The following PCDH9 variants were observed in gnomAD, a reference collection of about 807,000 sequenced individuals.
The protein encoded by PCDH9 is protocadherin 9, also known as protocadherin-9.
In PCDH9, 24 loss-of-function variants were observed where a neutral mutation model predicts 70.6. The ratio of observed to expected loss-of-function variants is 0.34; its 90% CI spans 0.25 to 0.48. The LOEUF is 0.48. Among genes scored for constraint, PCDH9 ranks in the 20% least tolerant of loss-of-function variants. The pLI, the probability that PCDH9 is intolerant of heterozygous loss-of-function variation, is 0.99. For synonymous variants in PCDH9, 562 were observed against 558.5 expected (o/e 1.01, Z -0.09); for missense variants, 1,281 against 1,503.6 (o/e 0.85, Z 2.45).
chr13:67,094,039 T>TA (rs948034287), intron 2 of PCDH9, among the ~76,000 whole-genome samples: 3 of 152,104 alleles, frequency 2.0e-5, no homozygotes, highest in African/African-American at 4.8e-5. Context: ...GCTGATTTAA[T>TA]AAAAAAAATC....
At chr13:66,528,598 A>G (rs190105701) in intron 4 of PCDH9, among the ~76,000 whole-genome samples, 1 of 152,262 alleles carries the variant, frequency 6.6e-6, no homozygotes, top group African/African-American at 2.4e-5. Context: ...ACTGTGTGGA[A>G]TATCATTTAT....
intron 3 of PCDH9, among the ~76,000 whole-genome samples, chr13:66,822,920 C>T (rs953506980): frequency 2.0e-5 from 3 of 151,966 alleles, no homozygotes; most frequent in African/African-American, 7.3e-5. Flanking sequence ...TATGCGGTAT[C>T]ACATATATAC....
chr13:67,112,221 C>T (rs1785261231), intron 2 of PCDH9, among the ~76,000 whole-genome samples: 2 of 152,148 alleles, frequency 1.3e-5, no homozygotes, highest in African/African-American at 2.4e-5. Context: ...TCCTTTATCT[C>T]TATTATTAAA....
intron 3 of PCDH9, among the ~76,000 whole-genome samples, chr13:66,781,001 G>A (rs2079989758): frequency 6.6e-6 from 1 of 152,076 alleles, no homozygotes; most frequent in Non-Finnish European, 1.5e-5. Context: ...CGGGTGGGGT[G>A]CATTTCAAGA....
chr13:67,145,011 C>T (rs1401585419), intron 2 of PCDH9, among the ~76,000 whole-genome samples: 8 of 152,070 alleles, frequency 5.3e-5, no homozygotes, highest in African/African-American at 1.7e-4. Flanking sequence ...CTGTGGACTG[C>T]GTGGGAAGGT....
chr13:66,807,072 A>G (rs760015821), intron 3 of PCDH9, among the ~76,000 whole-genome samples: 34 of 152,222 alleles, frequency 2.2e-4, no homozygotes, highest in Non-Finnish European at 2.1e-4. Flanking sequence ...CTCAAGTTTC[A>G]TTCATAATTG....
intron 2 of PCDH9, among the ~76,000 whole-genome samples, chr13:67,073,090 C>G (rs776663145): frequency 9.2e-5 from 14 of 151,970 alleles, no homozygotes; most frequent in Admixed American, 6.6e-5. Context: ...CTTTATACAC[C>G]CAATAATCAC....
At chr13:66,909,225 T>C (rs1390170772) in intron 2 of PCDH9, among the ~76,000 whole-genome samples, 2 of 151,968 alleles carry the variant, frequency 1.3e-5, no homozygotes, top group Admixed American at 6.6e-5. Flanking sequence ...AAAAGACTTA[T>C]GAATATATTT....
chr13:67,205,641 A>T (rs563773477), intron 2 of PCDH9: 1 of 152,302 alleles, frequency 6.6e-6, no homozygotes, highest in African/African-American at 2.4e-5. Context: ...TCCATCATCC[A>T]TATGCACTAC....
intron 3 of PCDH9, among the ~76,000 whole-genome samples, chr13:66,751,601 C>G (rs2079460577): frequency 6.6e-6 from 1 of 152,116 alleles, no homozygotes; most frequent in African/African-American, 2.4e-5. Context: ...TGAAAGCAAG[C>G]AACTGAAATG....
At chr13:66,828,810 A>AAATAATAATAATAAT (rs61269805) in intron 3 of PCDH9, among the ~76,000 whole-genome samples, 56 of 148,668 alleles carry the variant, frequency 3.8e-4, no homozygotes, top group Middle Eastern at 3.5e-3. Context: ...GCCATACATA[A>AAATAATAATAATAAT]AATAATAATA....
chr13:66,589,124 A>G (rs1383949199), intron 4 of PCDH9, among the ~76,000 whole-genome samples: 1 of 152,104 alleles, frequency 6.6e-6, no homozygotes, highest in East Asian at 1.9e-4. Context: ...CTTTAAACCC[A>G]ACTAATTGAA....
At chr13:66,838,828 GC>G (rs1356870780) in intron 3 of PCDH9, among the ~76,000 whole-genome samples, 2 of 151,758 alleles carry the variant, frequency 1.3e-5, no homozygotes, top group East Asian at 3.9e-4. Context: ...AATGTATGAT[GC>G]ACTAATCTCT....
At chr13:67,159,004 T>A (rs919522466) in intron 2 of PCDH9, among the ~76,000 whole-genome samples, 3 of 152,136 alleles carry the variant, frequency 2.0e-5, no homozygotes, top group Admixed American at 2.0e-4. Context: ...CACAGACAAT[T>A]AGCCAGACAC....
At chr13:66,372,805 A>G (rs1373113132) in intron 4 of PCDH9, among the ~76,000 whole-genome samples, 1 of 151,906 alleles carries the variant, frequency 6.6e-6, no homozygotes, top group Non-Finnish European at 1.5e-5. Context: ...ATTGGACATT[A>G]GGAGTAAGCC....
intron 2 of PCDH9, among the ~76,000 whole-genome samples, chr13:67,068,094 A>G (rs898110052): frequency 6.6e-6 from 1 of 152,150 alleles, no homozygotes; most frequent in African/African-American, 2.4e-5. Flanking sequence ...AGTCGATGCT[A>G]AATGCTTTCT....
In PCDH9 at chr13:66,360,218, C is replaced by G. The variant is rs1956446899; in HGVS notation, c.3341-55190G>C. On this transcript the variant is annotated intron_variant, in intron 4 of 4. Transcript: ENST00000377865. ...GATATTAGTGTGATCATTGAAAAGACATGCTGCTAAAATAAGAAATATATA... is the reference window on the plus strand; with the variant it reads ...GATATTAGTGTGATCATTGAAAAGAGATGCTGCTAAAATAAGAAATATATA... Among the ~76,000 whole-genome samples, 3 of 152,048 alleles carry G rather than the reference C, an allele frequency of 2.0e-5. No individual in the cohort carries two copies. In the South Asian group the frequency reaches 6.2e-4, roughly 31 times the overall value.
intron 3 of PCDH9, among the ~76,000 whole-genome samples, chr13:66,870,939 T>G (rs1393579575): frequency 2.0e-5 from 3 of 152,068 alleles, no homozygotes; most frequent in East Asian, 1.9e-4. Context: ...ACATGCACAC[T>G]TATGTTTACT....
intron 3 of PCDH9, among the ~76,000 whole-genome samples, chr13:66,901,038 A>G (rs1390820554): frequency 6.6e-6 from 1 of 151,692 alleles, no homozygotes; most frequent in Non-Finnish European, 1.5e-5. Context: ...AAAAGTGGTT[A>G]CTAAAACTGC....
Sources: allele counts gnomAD v4.1 joint callset (sites outside exome capture counted in the v4.1 genomes callset), GRCh38; gene constraint gnomAD v4.1.1; transcripts MANE v1.5; gene names NCBI Gene and HGNC (gene_info 2026-07-23, HGNC 2026-07-21).